Variants in PTPN1 observed in about 807,000 individuals in gnomAD.
The protein encoded by PTPN1 is protein tyrosine phosphatase non-receptor type 1, also known as tyrosine-protein phosphatase non-receptor type 1.
PTPN1 carries 12 observed loss-of-function variants against 59.9 expected under a neutral mutation model. The observed-to-expected ratio is 0.20, with a 90% CI of 0.13 to 0.32. PTPN1 has a LOEUF of 0.32. Ranked by LOEUF, PTPN1 falls within the 10% of genes least tolerant of loss-of-function variation. The pLI is 1.00. For synonymous variants in PTPN1, 178 were observed against 203.6 expected (o/e 0.87, Z 1.07); for missense variants, 356 against 549.2 (o/e 0.65, Z 3.52).
chr20:50,523,269 G>A (rs991758885), intron 1 of PTPN1, among the ~76,000 whole-genome samples: 19 of 152,180 alleles, frequency 1.2e-4, no homozygotes, highest in African/African-American at 4.6e-4. Context: ...ATCTGGTTGT[G>A]ACCATGTTGT....
intron 1 of PTPN1, among the ~76,000 whole-genome samples, chr20:50,528,695 CAG>C (rs2082587801): frequency 8.0e-6 from 1 of 125,776 alleles, no homozygotes; most frequent in Admixed American, 9.1e-5. Flanking sequence ...GCCTGGGTGA[CAG>C]AGTGAGACTC....
intron 1 of PTPN1, among the ~76,000 whole-genome samples, chr20:50,553,047 C>T (rs1568786906): frequency 1.3e-5 from 2 of 152,078 alleles, no homozygotes; most frequent in African/African-American, 4.8e-5. Context: ...TATTTTGTCT[C>T]TCTGTCTCTC....
At chr20:50,535,733 A>G (rs977154373) in intron 1 of PTPN1, among the ~76,000 whole-genome samples, 5 of 152,186 alleles carry the variant, frequency 3.3e-5, no homozygotes, top group Non-Finnish European at 5.9e-5. Flanking sequence ...CTTTTTAGCT[A>G]GAATGTGAAC....
At position 50,526,840 on chromosome 20, in the gene PTPN1, C is replaced by A. The variant is rs148333621; in HGVS notation, c.63+16250C>A. ...CCATCTTCTTACCTACCACCTCTAG[C>A]CCTGGAGCAGGCTCTTCCCCTGTCT... On this transcript the variant is annotated intron_variant, in intron 1 of 9. Coordinates refer to ENST00000371621, the MANE Select transcript of PTPN1 (RefSeq NM_002827.4). Among the ~76,000 whole-genome samples, 21 of 152,246 alleles carry A rather than the reference C, an allele frequency of 1.4e-4. No individual in the cohort carries two copies. In the East Asian group the frequency reaches 3.1e-3, roughly 22 times the overall value.
At chr20:50,516,599 T>A (rs1285159065) in intron 1 of PTPN1, among the ~76,000 whole-genome samples, 1 of 152,230 alleles carries the variant, frequency 6.6e-6, no homozygotes, top group Non-Finnish European at 1.5e-5. Context: ...GCTTTGTGAG[T>A]ATAGTTAACA....
At chr20:50,543,237 G>C (rs1238536455) in intron 1 of PTPN1, among the ~76,000 whole-genome samples, 1 of 152,182 alleles carries the variant, frequency 6.6e-6, no homozygotes, top group Non-Finnish European at 1.5e-5. Flanking sequence ...GTTTATACCA[G>C]AGCCATCCTG....
chr20:50,574,413 A>G, intron 4 of PTPN1, 104 bp from the exon 5 acceptor site: 1 of 1,191,556 alleles, frequency 8.4e-7, no homozygotes, highest in Non-Finnish European at 1.1e-6. Context: ...AGAAACCCCC[A>G]GGCCTTTGAG....
intron 1 of PTPN1, among the ~76,000 whole-genome samples, chr20:50,513,376 A>G (rs1169299548): frequency 6.6e-6 from 1 of 152,158 alleles, no homozygotes; most frequent in Non-Finnish European, 1.5e-5. Context: ...AAAGAGATTG[A>G]TTTTACTGAG....
intron 1 of PTPN1, among the ~76,000 whole-genome samples, chr20:50,543,689 G>A (rs1307375559): frequency 6.6e-6 from 1 of 152,164 alleles, no homozygotes; most frequent in African/African-American, 2.4e-5. Flanking sequence ...GTTGAAGATG[G>A]TAGAAGGAAA....
chr20:50,536,028 A>G (rs1295553574), intron 1 of PTPN1, among the ~76,000 whole-genome samples: 1 of 152,214 alleles, frequency 6.6e-6, no homozygotes, highest in Non-Finnish European at 1.5e-5. Flanking sequence ...AGATGCTGGC[A>G]ATTTAAGGTA....
intron 1 of PTPN1, among the ~76,000 whole-genome samples, chr20:50,556,797 T>A (rs2082727830): frequency 3.9e-5 from 6 of 152,090 alleles, no homozygotes; most frequent in Admixed American, 3.9e-4. Context: ...AATACAAAAT[T>A]AGCTGGGCAT....
At chr20:50,578,669 C>A in intron 6 of PTPN1, 40 bp downstream of exon 6, 1 of 1,542,938 alleles carries the variant, frequency 6.5e-7, no homozygotes, top group Non-Finnish European at 8.9e-7. Flanking sequence ...AGCTCCTCTA[C>A]CTGCTCTGCT....
rs765708489 is a variant in PTPN1, at chr20:50,541,285, C to T, written c.64-20078C>T. Among the ~76,000 whole-genome samples, 4 of 152,282 alleles carry T rather than the reference C, an allele frequency of 2.6e-5. No individual in the cohort carries two copies. The South Asian group carries it at 6.2e-4, about 24-fold the overall frequency. The stretch of plus-strand genomic sequence containing the variant: ...ATGCGGTTCTTATTTTGTTTGCCAT[C>T]GTCATCATCATGCTATGTCTATTTT... On this transcript the variant is annotated intron_variant, in intron 1 of 9. Transcript: ENST00000371621.
intron 4 of PTPN1, chr20:50,572,619 A>G (rs916985409): frequency 3.9e-5 from 6 of 152,074 alleles, no homozygotes; most frequent in South Asian, 2.1e-4. Context: ...TTCCTCCTGC[A>G]TTTCTGTTCT....
At chr20:50,523,675 C>T (rs1038156936) in intron 1 of PTPN1, among the ~76,000 whole-genome samples, 1 of 152,118 alleles carries the variant, frequency 6.6e-6, no homozygotes, top group African/African-American at 2.4e-5. Context: ...TTAGGAAGTT[C>T]AGTAGTCCAG....
At position 50,579,335 on chromosome 20, in the gene PTPN1, CA is replaced by C. The variant is rs764617854; in HGVS notation, c.864+7del. 4 of 1,612,092 alleles carry C rather than the reference CA, an allele frequency of 2.5e-6. No homozygotes were observed. The East Asian group carries it at 8.9e-5, about 36-fold the overall frequency. ...TGGGGGACTCTTCCGTGCAGGTCAG[CA>C]TTGCCTTTGTTTGAATCCAGGTGTG... On this transcript the variant is annotated splice_region_variant and intron_variant, in intron 7 of 9. Coordinates refer to ENST00000371621, the MANE Select transcript of PTPN1 (RefSeq NM_002827.4).
chr20:50,558,635 T>C (rs547501777), intron 1 of PTPN1, among the ~76,000 whole-genome samples: 1 of 152,376 alleles, frequency 6.6e-6, no homozygotes, highest in Non-Finnish European at 1.5e-5. Flanking sequence ...AGCTGTCATC[T>C]TGAGACTTTC....
intron 6 of PTPN1, 122 bp downstream of exon 6, chr20:50,578,751 T>C (rs1279385914): frequency 2.4e-6 from 2 of 836,888 alleles, no homozygotes; most frequent in Non-Finnish European, 3.7e-6. Context: ...TGTTAGTCTG[T>C]TTTTGCGTTA....
chr20:50,553,762 TAAAGAAAAACAACATAATGAGGATAATG>T (rs1465436983), intron 1 of PTPN1, among the ~76,000 whole-genome samples: 5 of 152,074 alleles, frequency 3.3e-5, no homozygotes, highest in Non-Finnish European at 7.3e-5. Context: ...TTAGCAGATT[TAAAGAAAAACAACATAATGAGGATAATG>T]GAAGAAAAAC....
Sources: allele counts gnomAD v4.1 joint callset (sites outside exome capture counted in the v4.1 genomes callset), GRCh38; gene constraint gnomAD v4.1.1; transcripts MANE v1.5; gene names NCBI Gene and HGNC (gene_info 2026-07-23, HGNC 2026-07-21).